PCDHGA7: variants seen among roughly 807,000 people sequenced by gnomAD.
PCDHGA7 encodes the protein protocadherin gamma-A7.
Under a neutral mutation model 58.3 loss-of-function variants are expected in PCDHGA7, and 44 were observed. The ratio of observed to expected loss-of-function variants is 0.75; its 90% CI spans 0.59 to 0.97. The LOEUF is 0.97. Ranked by LOEUF, PCDHGA7 falls within the 50% of genes least tolerant of loss-of-function variation. The pLI, the probability that PCDHGA7 is intolerant of heterozygous loss-of-function variation, is 0.00. For synonymous variants in PCDHGA7, 516 were observed against 504.2 expected (o/e 1.02, Z -0.31); for missense variants, 1,266 against 1,188.7 (o/e 1.06, Z -0.96).
At chr5:141,497,827 C>T (rs1390986916) in intron 2 of PCDHGA7, among the ~76,000 whole-genome samples, 3 of 152,188 alleles carry the variant, frequency 2.0e-5, no homozygotes, top group East Asian at 3.9e-4. Flanking sequence ...GGTGTGATCG[C>T]CCCCGGCCAC....
rs780685929 is a variant in PCDHGA7 at position 141,389,589 on chromosome 5, G to A, written c.2424+4266G>A. 10 of 1,613,050 alleles carry A rather than the reference G, an allele frequency of 6.2e-6. No individual in the cohort carries two copies. In the Middle Eastern group the frequency reaches 5.0e-4, roughly 81 times the overall value. On this transcript the variant is annotated intron_variant, in intron 1 of 3. Coordinates refer to ENST00000518325, the MANE Select transcript of PCDHGA7 (RefSeq NM_018920.4). ...GCTGTACCCCGCGCTGGGTCCCGAC[G>A]GCTCTGCGCTCTTCGATATGGTGCC...
rs754530973 is a variant in PCDHGA7 at position 141,413,859 on chromosome 5, C to T, written c.2424+28536C>T. 11 of 1,613,248 alleles carry T rather than the reference C, an allele frequency of 6.8e-6. No individual in the cohort carries two copies. The Admixed American group carries it at 1.7e-4, about 24-fold the overall frequency. On this transcript the variant is annotated intron_variant, in intron 1 of 3. Transcript: ENST00000518325. ...ACGGGGGTGACCCTCTCCGATCTGG[C>T]ACTGTCCTTGTCAGTGTGACTGTCT...
Position 141,477,029 on chromosome 5 carries a change from A to T in PCDHGA7, c.2425-17778A>T, listed in dbSNP as rs754045855. ...CTTAGACCTTGTAACCGGGATGCTG[A>T]CAATCAAGGGTCGGCTGGACTTCGA... On this transcript the variant is annotated intron_variant, in intron 1 of 3. Transcript: ENST00000518325. This position sits in a 1 kb window ranked among gnomAD's most constrained non-coding sequence, Gnocchi z 4.9. 2 of 1,614,238 alleles carry T rather than the reference A, an allele frequency of 1.2e-6. No homozygotes were observed. The highest frequency in any genetic ancestry group is 3.3e-5 in the Admixed American group (2 of 60,028).
chr5:141,487,391 A>C lies in PCDHGA7; in HGVS notation c.2425-7416A>C. 1 of 1,614,090 alleles carries C rather than the reference A, an allele frequency of 6.2e-7. No homozygotes were observed. The highest frequency in any genetic ancestry group is 1.1e-5 in the South Asian group (1 of 91,078). ...TGCCTGTCTCACCAGATCTCGAAGG[A>C]GGGAGGGGCTTCCCCCTTCCAATGG... On this transcript the variant is annotated intron_variant, in intron 1 of 3. Transcript: ENST00000518325. The surrounding 1 kb of genome is among the most constrained non-coding windows in gnomAD (Gnocchi z 5.0).
At chr5:141,422,936 C>A (rs1428873210) in intron 1 of PCDHGA7, 2 of 1,614,260 alleles carry the variant, frequency 1.2e-6, no homozygotes, top group East Asian at 4.5e-5. Flanking sequence ...GCCCTCCCCA[C>A]AGACGGCTCC....
rs778684539 is a variant in PCDHGA7 at position 141,477,205 on chromosome 5, G to A, written c.2425-17602G>A. ...CCTCCGTGTACAGCCCAGTACCCGA[G>A]GATGCCCCTCTGGGGACTGTCATCG... On this transcript the variant is annotated intron_variant, in intron 1 of 3. Transcript: ENST00000518325. The surrounding 1 kb of genome is among the most constrained non-coding windows in gnomAD (Gnocchi z 4.9). 1 of 1,614,184 alleles carries A rather than the reference G, an allele frequency of 6.2e-7. No homozygotes were observed. The highest frequency in any genetic ancestry group is 8.5e-7 in the Non-Finnish European group (1 of 1,180,042).
rs1226359801 is a variant in PCDHGA7, at chr5:141,388,320, G to A, written c.2424+2997G>A. On this transcript the variant is annotated intron_variant, in intron 1 of 3. Coordinates refer to ENST00000518325, the MANE Select transcript of PCDHGA7 (RefSeq NM_018920.4). ...CTTTGAGCTGCAAATAAGTGAGTCT[G>A]CACAGCCTGGCACACGATTTATATT... is the stretch of plus-strand genomic sequence containing the variant. 9.3e-6 allele frequency: 15 copies of A among 1,613,768 alleles called. 1 individual carries two copies. The Admixed American group carries it at 2.5e-4, about 27-fold the overall frequency.
intron 1 of PCDHGA7, chr5:141,400,274 G>C: frequency 6.2e-7 from 1 of 1,614,032 alleles, no homozygotes; most frequent in Non-Finnish European, 8.5e-7. Flanking sequence ...CGCTCCTCCA[G>C]CCCTGCCGCC....
At chr5:141,408,776 C>A in intron 1 of PCDHGA7, 2 of 1,611,684 alleles carry the variant, frequency 1.2e-6, no homozygotes, top group Non-Finnish European at 1.7e-6. Flanking sequence ...TGGCAAATAC[C>A]CAGAGTTATC....
At chr5:141,421,141 G>A (rs7732160) in intron 1 of PCDHGA7, 49,996 of 938,386 alleles carry the variant, frequency 0.053, 1,680 homozygotes, top group African/African-American at 0.14. Flanking sequence ...TATTTTGGAT[G>A]TAGTCGGCCT....
At position 141,489,599 on chromosome 5, in the gene PCDHGA7, A is replaced by T; in HGVS notation, c.2425-5208A>T. The T allele has an allele frequency of 6.2e-7, 1 of 1,614,020 alleles. No homozygotes were observed. The highest frequency in any genetic ancestry group is 8.5e-7 in the Non-Finnish European group (1 of 1,179,970). On this transcript the variant is annotated intron_variant, in intron 1 of 3. Coordinates refer to ENST00000518325, the MANE Select transcript of PCDHGA7 (RefSeq NM_018920.4). This position sits in a 1 kb window ranked among gnomAD's most constrained non-coding sequence, Gnocchi z 4.5. ...CACCCCCTGGAGCTAATCCGTGTAGAGGTAGAGATCCTGGATCTCAATGAC... is the reference window on the plus strand; with the variant it reads ...CACCCCCTGGAGCTAATCCGTGTAGTGGTAGAGATCCTGGATCTCAATGAC...
intron 1 of PCDHGA7, chr5:141,393,203 C>T (rs988866288): frequency 6.2e-7 from 1 of 1,613,514 alleles, no homozygotes; most frequent in Admixed American, 1.7e-5. Context: ...ACGATAATAA[C>T]CCAAAATTCC....
intron 2 of PCDHGA7, among the ~76,000 whole-genome samples, chr5:141,502,109 C>G (rs2099812899): frequency 1.3e-5 from 2 of 152,182 alleles, no homozygotes; most frequent in Admixed American, 1.3e-4. Flanking sequence ...ACCCTGCACC[C>G]TCAGCCAGGC....
At chr5:141,498,971 G>A (rs866066098) in intron 2 of PCDHGA7, among the ~76,000 whole-genome samples, 16 of 111,052 alleles carry the variant, frequency 1.4e-4, no homozygotes, top group African/African-American at 2.5e-4. Context: ...GAGGGAGGGA[G>A]GGAAGGAAGG....
At chr5:141,505,777 TCTG>T (rs77860300) in intron 3 of PCDHGA7, among the ~76,000 whole-genome samples, 6,508 of 152,280 alleles carry the variant, frequency 0.043, 161 homozygotes, top group Middle Eastern at 0.13. Context: ...AGGTCCTAGC[TCTG>T]CTACTATCCT....
At chr5:141,497,464 T>C (rs1277760390) in intron 2 of PCDHGA7, among the ~76,000 whole-genome samples, 1 of 151,764 alleles carries the variant, frequency 6.6e-6, no homozygotes, top group Admixed American at 6.6e-5. Context: ...CTTGGAGATA[T>C]GGAGGAGAAG....
chr5:141,387,829 G>T, intron 1 of PCDHGA7: 2 of 1,591,770 alleles, frequency 1.3e-6, no homozygotes, highest in South Asian at 2.3e-5. Flanking sequence ...CAATACAGAG[G>T]TTATTTGTAA....
At chr5:141,473,779 T>C (rs2099328680) in intron 1 of PCDHGA7, among the ~76,000 whole-genome samples, 1 of 152,204 alleles carries the variant, frequency 6.6e-6, no homozygotes, top group Non-Finnish European at 1.5e-5. Context: ...GGTATTTTAA[T>C]TCAAGAGCAG....
chr5:141,452,088 AAG>A (rs1200732162), intron 1 of PCDHGA7, among the ~76,000 whole-genome samples: 2 of 152,206 alleles, frequency 1.3e-5, no homozygotes, highest in African/African-American at 4.8e-5. Flanking sequence ...ATTATACAGT[AAG>A]AAAGAGCTTT....
Sources: gnomAD v4.1 joint callset for allele counts (sites outside exome capture counted in the v4.1 genomes callset) on GRCh38, gnomAD v4.1.1 for gene constraint, Gnocchi (gnomAD v3.1) non-coding constraint, MANE v1.5 for transcripts, NCBI Gene and HGNC (gene_info 2026-07-23, HGNC 2026-07-21) for gene names.